OR2F1: variants seen among roughly 807,000 people sequenced by gnomAD.
OR2F1 encodes the protein olfactory receptor family 2 subfamily F member 1.
For synonymous variants in OR2F1, 146 were observed against 155.3 expected, an observed-to-expected ratio of 0.94 and a Z score of 0.44; for missense variants, 389 against 378.2, an observed-to-expected ratio of 1.03 and a Z score of -0.24.
In OR2F1 at chr7:143,960,518, C is replaced by G. The variant is rs2050319003; in HGVS notation, c.548C>G (p.Ala183Gly). 1 of 1,614,204 alleles carries G rather than the reference C, an allele frequency of 6.2e-7. No individual in the cohort carries two copies. ...GATCACATATCCTGTGAACTCCTAG[C>G]TGTGGTCAGGCTGGCTTGTGTGGAC... Reference protein sequence around the residue: ...FIDHISCELLAVVRLACVDTS... With the variant: ...FIDHISCELLGVVRLACVDTS... The change falls in exon 3 of 3, where the codon GCT becomes GGT. Residue 183 changes from alanine to glycine, a missense_variant. Coordinates refer to ENST00000641412, the MANE Select transcript of OR2F1 (RefSeq NM_012369.3).
chr7:143,960,082 A>G lies in OR2F1; in HGVS notation c.112A>G (p.Thr38Ala). The change falls in exon 3 of 3, where the codon ACC becomes GCC. Residue 38 changes from threonine (T) to alanine (A), a missense_variant. Transcript: ENST00000641412. ...CCTGTTCTTGGTCATGTATGTGGTG[A>G]CCGTGCTGGGGAACTGTCTCATTGT... ...FVLFLVMYVV[T>A]VLGNCLIVLL... The G allele has an allele frequency of 6.2e-7, 1 of 1,614,078 alleles. No homozygotes were observed. Among genetic ancestry groups the G allele is most frequent in the East Asian group, 2.2e-5 (1 of 44,870 alleles).
At position 143,960,544 on chromosome 7, in the gene OR2F1, ACCT is replaced by A; in HGVS notation, c.580_582del (p.Ser194del). The A allele has an allele frequency of 6.2e-7, 1 of 1,614,006 alleles. No individual in the cohort carries two copies. Among genetic ancestry groups the A allele is most frequent in the Admixed American group, 1.7e-5 (1 of 60,016 alleles). On this transcript the variant is annotated inframe_deletion, in exon 3 of 3. Transcript: ENST00000641412. ...TGTGGTCAGGCTGGCTTGTGTGGACACCTCCTCCAATGAGGTCACCATCATGGT... is the reference window on the plus strand; with the variant it reads ...TGTGGTCAGGCTGGCTTGTGTGGACACCTCCAATGAGGTCACCATCATGGT...
chr7:143,954,988 T>C lies in OR2F1; in HGVS notation c.-295T>C, dbSNP rs900209686. The C allele has an allele frequency of 1.3e-5, 2 of 152,162 alleles. No individual in the cohort carries two copies. Among genetic ancestry groups the C allele is most frequent in the African/African-American group, 4.8e-5 (2 of 41,432 alleles). 9.4% of individuals were successfully genotyped at this position (152,162 alleles called of 1,614,324 possible). A position where few individuals can be genotyped will look rare whatever the true frequency, so the allele number is the denominator to read the frequency against. On this transcript the variant is annotated 5_prime_UTR_variant, in exon 1 of 3. Transcript: ENST00000641412. ...TGAGGAATCTAAACACTTATTTTTTTGTTCTTTCTTTGTCGTTGATAGAAG... is the reference window on the plus strand; with the variant it reads ...TGAGGAATCTAAACACTTATTTTTTCGTTCTTTCTTTGTCGTTGATAGAAG...
chr7:143,955,555 C>T (rs2050278524), intron 1 of OR2F1, among the ~76,000 whole-genome samples: 1 of 152,128 alleles, frequency 6.6e-6, no homozygotes, highest in South Asian at 2.1e-4. Context: ...TCAATAGCAC[C>T]TGTCTTACTA....
rs2050318053 is a variant in OR2F1, at chr7:143,960,418, G to C, written c.448G>C (p.Val150Leu). 1 of 1,614,042 alleles carries C rather than the reference G, an allele frequency of 6.2e-7. No homozygotes were observed. Residue 150 changes from valine (V) to leucine (L), a missense_variant, in exon 3 of 3, where the codon GTC (valine) becomes CTC (leucine). By Grantham distance (32) the Val-to-Leu change is conservative. Coordinates refer to ENST00000641412, the MANE Select transcript of OR2F1 (RefSeq NM_012369.3). ...LCARLAITSW[V>L]SGFISSPVQT... ...TGCTAGGTTGGCCATCACATCCTGG[G>C]TCAGTGGCTTCATCAGCTCTCCTGT...
chr7:143,959,928 T>TA lies in OR2F1; in HGVS notation c.-23-20_-23-19insA. 1.4e-6 allele frequency: 2 copies of TA among 1,457,328 alleles called. No homozygotes were observed. Among genetic ancestry groups the TA allele is most frequent in the Non-Finnish European group, 1.9e-6 (2 of 1,070,230 alleles). The allele number at this position is 1,457,328 out of a possible 1,614,324, so 90.3% of individuals were successfully genotyped here. On this transcript the variant is annotated intron_variant, in intron 2 of 2. Coordinates refer to ENST00000641412, the MANE Select transcript of OR2F1 (RefSeq NM_012369.3). The stretch of plus-strand genomic sequence containing the variant: ...TATAGTTATTCAACAGCTTCTGTTT[T>TA]TTTCTGACTCCCTTCACAGATTAAT...
At position 143,960,097 on chromosome 7, in the gene OR2F1, T is replaced by G; in HGVS notation, c.127T>G (p.Cys43Gly). ...GTATGTGGTGACCGTGCTGGGGAAC[T>G]GTCTCATTGTCCTTCTGATCAGACT... ...VMYVVTVLGN[C>G]LIVLLIRLDS... Residue 43 changes from cysteine to glycine, a missense_variant, in exon 3 of 3, where the codon TGT becomes GGT. Cys to Gly is a radical substitution (Grantham distance 159). Coordinates refer to ENST00000641412, the MANE Select transcript of OR2F1 (RefSeq NM_012369.3). 2.5e-6 allele frequency: 4 copies of G among 1,614,214 alleles called. No homozygotes were observed. The highest frequency in any genetic ancestry group is 2.2e-5 in the South Asian group (2 of 91,086).
At position 143,960,362 on chromosome 7, in the gene OR2F1, G is replaced by A. The variant is rs141056144; in HGVS notation, c.392G>A (p.Arg131Gln). The A allele has an allele frequency of 2.2e-5, 35 of 1,614,022 alleles. No homozygotes were observed. The highest frequency in any genetic ancestry group is 8.9e-5 in the East Asian group (4 of 44,888). The change falls in exon 3 of 3, where the codon CGA becomes CAA. Residue 131 changes from arginine to glutamine, a missense_variant. Arg to Gln is a conservative substitution (Grantham distance 43, BLOSUM62 1). Coordinates refer to ENST00000641412, the MANE Select transcript of OR2F1 (RefSeq NM_012369.3). ...TATGTGGCTGTGTGTGATGCCCTGC[G>A]ATACTCGGCCATCATGCATGGAGGG... ...DRYVAVCDAL[R>Q]YSAIMHGGLC...
chr7:143,960,235 C>T lies in OR2F1; in HGVS notation c.265C>T (p.His89Tyr), dbSNP rs745628115. The change falls in exon 3 of 3, where the codon CAT (histidine) becomes TAT (tyrosine). Residue 89 changes from histidine (H) to tyrosine (Y), a missense_variant. Physicochemically the swap from His to Tyr is moderately conservative, Grantham distance 83. Transcript: ENST00000641412. Reference protein sequence around the residue: ...PQLLAHFLAEHKAIPFQSCAA... With the variant: ...PQLLAHFLAEYKAIPFQSCAA... ...GCTGCTGGCACATTTTCTTGCAGAA[C>T]ATAAAGCCATCCCATTCCAGAGCTG... is the stretch of plus-strand genomic sequence containing the variant. 6.2e-7 allele frequency: 1 copy of T among 1,614,202 alleles called. No individual in the cohort carries two copies. Among genetic ancestry groups the T allele is most frequent in the South Asian group, 1.1e-5 (1 of 91,080 alleles).
chr7:143,960,126 C>T lies in OR2F1; in HGVS notation c.156C>T (p.Asp52=), dbSNP rs1441692627. Reference sequence around the variant, plus strand: ...TCATTGTCCTTCTGATCAGACTGGACAGCCGACTCCACACTCCCATGTATT... The same window carrying T: ...TCATTGTCCTTCTGATCAGACTGGATAGCCGACTCCACACTCCCATGTATT... ...NCLIVLLIRL[D]SRLHTPMYFF... The change falls in exon 3 of 3, where the codon GAC becomes GAT. Residue 52 remains aspartate (D), a synonymous_variant. Coordinates refer to ENST00000641412, the MANE Select transcript of OR2F1 (RefSeq NM_012369.3). 2.5e-6 allele frequency: 4 copies of T among 1,614,034 alleles called. No individual in the cohort carries two copies. Among genetic ancestry groups the T allele is most frequent in the Non-Finnish European group, 3.4e-6 (4 of 1,180,042 alleles).
At chr7:143,959,876 A>G (rs1239539973) in intron 2 of OR2F1, 72 bp from the exon 3 acceptor site, 17 of 1,020,746 alleles carry the variant, frequency 1.7e-5, no homozygotes, top group Middle Eastern at 2.5e-4. Flanking sequence ...GCTGGCATGT[A>G]CAGAATGCAT....
chr7:143,960,170 C>G lies in OR2F1; in HGVS notation c.200C>G (p.Ser67Cys), dbSNP rs1180447109. ...TPMYFFLTNL[S>C]LVDVSYATSV... is the part of the protein sequence containing the mutation. The stretch of plus-strand genomic sequence containing the variant: ...ATGTATTTCTTTCTCACCAACCTCT[C>G]CCTTGTCGATGTCTCCTATGCCACA... Residue 67 changes from serine to cysteine, a missense_variant, in exon 3 of 3, where the codon TCC (serine) becomes TGC (cysteine). By Grantham distance (112) the Ser-to-Cys change is moderately radical. Coordinates refer to ENST00000641412, the MANE Select transcript of OR2F1 (RefSeq NM_012369.3). 1.2e-6 allele frequency: 2 copies of G among 1,614,190 alleles called. No individual in the cohort carries two copies. Among genetic ancestry groups the G allele is most frequent in the South Asian group, 2.2e-5 (2 of 91,078 alleles).
rs917461152 is a variant in OR2F1 at position 143,964,250 on chromosome 7, C to A, written c.*3326C>A. The A allele has an allele frequency of 2.6e-5, 4 of 151,258 alleles. No individual in the cohort carries two copies. Among genetic ancestry groups the A allele is most frequent in the African/African-American group, 9.7e-5 (4 of 41,146 alleles). 9.4% of individuals were successfully genotyped at this position (151,258 alleles called of 1,614,324 possible). A position where few individuals can be genotyped will look rare whatever the true frequency, so the allele number is the denominator to read the frequency against. ...TTCTAAACTTTATTGTTTATTTAGCCATTAAATAGAAAAAATTTAAAAAGA... is the reference window on the plus strand; with the variant it reads ...TTCTAAACTTTATTGTTTATTTAGCAATTAAATAGAAAAAATTTAAAAAGA... On this transcript the variant is annotated 3_prime_UTR_variant, in exon 3 of 3. Transcript: ENST00000641412.
rs778834058 is a variant in OR2F1, at chr7:143,962,744, C to G, written c.*1820C>G. On this transcript the variant is annotated 3_prime_UTR_variant, in exon 3 of 3. Coordinates refer to ENST00000641412, the MANE Select transcript of OR2F1 (RefSeq NM_012369.3). ...GCAGACGGGTTAGACACGGTCAGAT[C>G]CTGGAAGGCGTCGAATGTCTAAGTA... 5.9e-5 allele frequency: 9 copies of G among 152,144 alleles called. No homozygotes were observed. Among genetic ancestry groups the G allele is most frequent in the Non-Finnish European group, 8.8e-5 (6 of 68,032 alleles). The allele number at this position is 152,144 out of a possible 1,614,324, so 9.4% of individuals were successfully genotyped here. A position where few individuals can be genotyped will look rare whatever the true frequency, so the allele number is the denominator to read the frequency against.
Position 143,960,243 on chromosome 7 carries a change from C to T in OR2F1, c.273C>T (p.Ala91=). 6.2e-7 allele frequency: 1 copy of T among 1,614,164 alleles called. No individual in the cohort carries two copies. Among genetic ancestry groups the T allele is most frequent in the Non-Finnish European group, 8.5e-7 (1 of 1,180,030 alleles). Residue 91 remains alanine, a synonymous_variant, in exon 3 of 3, where the codon GCC becomes GCT. Coordinates refer to ENST00000641412, the MANE Select transcript of OR2F1 (RefSeq NM_012369.3). ...CACATTTTCTTGCAGAACATAAAGC[C>T]ATCCCATTCCAGAGCTGTGCAGCCC... ...LLAHFLAEHK[A]IPFQSCAAQL...
intron 1 of OR2F1, 55 bp downstream of exon 1, chr7:143,955,158 A>G (rs1309691825): frequency 6.6e-6 from 1 of 152,194 alleles, no homozygotes; most frequent in Non-Finnish European, 1.5e-5. Flanking sequence ...TATTTATGGC[A>G]TAGATTTTAA....
chr7:143,963,912 T>A lies in OR2F1; in HGVS notation c.*2988T>A, dbSNP rs2116941291. Reference sequence around the variant, plus strand: ...GCCTCTCCTAGTCCACTGACTCAGATGTTAATCTCCTTTGGCATCACCTCC... The same window carrying A: ...GCCTCTCCTAGTCCACTGACTCAGAAGTTAATCTCCTTTGGCATCACCTCC... On this transcript the variant is annotated 3_prime_UTR_variant, in exon 3 of 3. Coordinates refer to ENST00000641412, the MANE Select transcript of OR2F1 (RefSeq NM_012369.3). The A allele has an allele frequency of 6.6e-6, 1 of 152,352 alleles. No homozygotes were observed. Among genetic ancestry groups the A allele is most frequent in the South Asian group, 2.1e-4 (1 of 4,818 alleles). 9.4% of individuals were successfully genotyped at this position (152,352 alleles called of 1,614,324 possible).
Position 143,960,021 on chromosome 7 carries a change from G to A in OR2F1, c.51G>A (p.Leu17=). 1 of 1,613,980 alleles carries A rather than the reference G, an allele frequency of 6.2e-7. No individual in the cohort carries two copies. Among genetic ancestry groups the A allele is most frequent in the Non-Finnish European group, 8.5e-7 (1 of 1,179,956 alleles). ...TWVSEFILLG[L]SSDWDTRVSL... is the part of the protein sequence containing the mutation. The stretch of plus-strand genomic sequence containing the variant: ...TGAGTGAATTTATTCTCCTCGGCCT[G>A]TCCAGTGACTGGGACACTCGGGTCT... The change falls in exon 3 of 3, where the codon CTG becomes CTA. Residue 17 remains leucine (L), a synonymous_variant. Transcript: ENST00000641412.
chr7:143,960,899 G>T lies in OR2F1; in HGVS notation c.929G>T (p.Gly310Val). 6.2e-7 allele frequency: 1 copy of T among 1,610,736 alleles called. No homozygotes were observed. The highest frequency in any genetic ancestry group is 1.3e-5 in the African/African-American group (1 of 74,874). Residue 310 changes from glycine to valine, a missense_variant, in exon 3 of 3, where the codon GGG becomes GTG. By Grantham distance (109) the Gly-to-Val change is moderately radical. Transcript: ENST00000641412. ...CAGAAACTATTATGGAAATTCTCTG[G>T]GTTAACATCAAAGCTGGCAACTTGA... ...AWQKLLWKFSGLTSKLAT is the reference protein window; with the variant it reads ...AWQKLLWKFSVLTSKLAT
Sources: allele counts gnomAD v4.1 joint callset (sites outside exome capture counted in the v4.1 genomes callset), GRCh38; gene constraint gnomAD v4.1.1; transcripts MANE v1.5; gene names NCBI Gene and HGNC (gene_info 2026-07-23, HGNC 2026-07-21).